CACNA1C: variants seen among roughly 807,000 people sequenced by gnomAD.
CACNA1C encodes voltage-dependent L-type calcium channel subunit alpha-1C.
In CACNA1C, 30 loss-of-function variants were observed where a neutral mutation model predicts 229.0. The observed-to-expected ratio is 0.13, with a 90% CI of 0.10 to 0.18. The LOEUF (loss-of-function observed/expected upper bound fraction) is 0.18, where lower values mean the gene tolerates loss of function less well. CACNA1C is among the 10% of genes least tolerant of loss of function. CACNA1C has a pLI of 1.00. For missense variants in CACNA1C, 1,658 were observed against 2,845.0 expected, an observed-to-expected ratio of 0.58 and a Z score of 9.49; for synonymous variants, 1,114 against 1,132.5, an observed-to-expected ratio of 0.98 and a Z score of 0.33.
At chr12:2,449,488 A>C (rs986807009) in intron 4 of CACNA1C, among the ~76,000 whole-genome samples, 13 of 152,178 alleles carry the variant, frequency 8.5e-5, no homozygotes, top group Non-Finnish European at 1.6e-4. Context: ...ACCCCTCCCC[A>C]CCTGGCTGTC....
intron 3 of CACNA1C, among the ~76,000 whole-genome samples, chr12:2,337,429 T>C (rs2096732652): frequency 6.6e-6 from 1 of 152,192 alleles, no homozygotes; most frequent in Admixed American, 6.5e-5. Flanking sequence ...TCACCAGCCC[T>C]CCAGCCTCGC....
intron 1 of CACNA1C, chr12:2,004,457 C>T (rs2042972177): frequency 1.9e-6 from 3 of 1,591,612 alleles, no homozygotes; most frequent in South Asian, 2.3e-5. Context: ...GACATAGGCA[C>T]GGGGCTCTTG....
intron 9 of CACNA1C, among the ~76,000 whole-genome samples, chr12:2,526,333 G>A (rs2099818511): frequency 6.6e-6 from 1 of 152,206 alleles, no homozygotes; most frequent in Admixed American, 6.5e-5. Context: ...CTATTCCAGG[G>A]CCTTGTCACA....
intron 3 of CACNA1C, among the ~76,000 whole-genome samples, chr12:2,228,728 C>A (rs936113398): frequency 6.6e-6 from 1 of 152,138 alleles, no homozygotes; most frequent in Non-Finnish European, 1.5e-5. Context: ...GGTTCCAGGG[C>A]CAGGGGTGAC....
intron 1 of CACNA1C, among the ~76,000 whole-genome samples, chr12:2,033,865 C>T (rs908673808): frequency 2.0e-5 from 3 of 152,214 alleles, no homozygotes; most frequent in African/African-American, 7.2e-5. Context: ...GTTTGCCTGG[C>T]CCTGGCCATA....
chr12:2,544,992 T>C (rs564304397), intron 9 of CACNA1C, among the ~76,000 whole-genome samples: 31 of 152,288 alleles, frequency 2.0e-4, no homozygotes, highest in African/African-American at 7.2e-4. Flanking sequence ...CAGAAAGCTG[T>C]AGTGAATCAT....
chr12:2,299,725 T>C (rs16929230), intron 3 of CACNA1C, among the ~76,000 whole-genome samples: 1,691 of 152,132 alleles, frequency 0.011, 26 homozygotes, highest in African/African-American at 0.039. Context: ...GGGGAAAACT[T>C]GATCCTCAAT....
chr12:2,408,563 T>A (rs1329089930), intron 3 of CACNA1C, among the ~76,000 whole-genome samples: 1 of 151,908 alleles, frequency 6.6e-6, no homozygotes, highest in East Asian at 1.9e-4. Flanking sequence ...AACTCTGCTA[T>A]GTTATTCCTC....
At chr12:2,266,142 C>A (rs2082311296) in intron 3 of CACNA1C, among the ~76,000 whole-genome samples, 1 of 152,196 alleles carries the variant, frequency 6.6e-6, no homozygotes, top group African/African-American at 2.4e-5. Flanking sequence ...CATCATTGGG[C>A]AAAAACACAT....
At chr12:2,074,713 G>A (rs552321573) in intron 1 of CACNA1C, among the ~76,000 whole-genome samples, 2 of 152,114 alleles carry the variant, frequency 1.3e-5, no homozygotes, top group Non-Finnish European at 2.9e-5. Context: ...CCCCTGCTTC[G>A]ATAAAATACT....
rs1192029891 is a variant in CACNA1C, at chr12:2,403,626, T to C, written c.478-45350T>C. Among the ~76,000 whole-genome samples, 4 of 148,832 alleles carry C rather than the reference T, an allele frequency of 2.7e-5. No homozygotes were observed. The highest frequency in any genetic ancestry group is 1.3e-4 in the Admixed American group (2 of 15,102). On this transcript the variant is annotated intron_variant, in intron 3 of 46. Coordinates refer to ENST00000399655, the MANE Select transcript of CACNA1C (RefSeq NM_000719.7). The surrounding 1 kb of genome is among the most constrained non-coding windows in gnomAD (Gnocchi z 4.1). ...CGAGACAAGATAATTTATAGATGCA[T>C]TGACACTATATGATTAGGAAAGTAC...
At chr12:2,500,775 A>G (rs1363265636) in intron 7 of CACNA1C, among the ~76,000 whole-genome samples, 1 of 152,154 alleles carries the variant, frequency 6.6e-6, no homozygotes, top group Non-Finnish European at 1.5e-5. Flanking sequence ...GGTCAGTACC[A>G]TGGGGTTCTG....
At chr12:2,049,057 C>G (rs1431568396), upstream of CACNA1C, 1 of 152,192 alleles carries the variant, frequency 6.6e-6, no homozygotes, top group Non-Finnish European at 1.5e-5. Flanking sequence ...ATTTTCGTGA[C>G]TTGTTTTTCT....
chr12:2,676,799 A>G (rs1386796186), intron 39 of CACNA1C: 6 of 209,272 alleles, frequency 2.9e-5, no homozygotes, highest in Non-Finnish European at 4.8e-5. Context: ...AGGAGATAAT[A>G]TGTTTGATGA....
At chr12:2,670,330 C>T (rs2096491580) in intron 38 of CACNA1C, among the ~76,000 whole-genome samples, 1 of 152,126 alleles carries the variant, frequency 6.6e-6, no homozygotes, top group African/African-American at 2.4e-5. Context: ...AATCCGAGTC[C>T]CTGCTCTCTC....
intron 5 of CACNA1C, among the ~76,000 whole-genome samples, chr12:2,478,829 A>G (rs966898843): frequency 6.6e-6 from 1 of 152,188 alleles, no homozygotes; most frequent in Non-Finnish European, 1.5e-5. Flanking sequence ...GGCAATCAGC[A>G]GGGTGCTTCA....
intron 3 of CACNA1C, among the ~76,000 whole-genome samples, chr12:2,446,390 G>A (rs1447176468): frequency 7.1e-6 from 1 of 140,718 alleles, no homozygotes; most frequent in Non-Finnish European, 1.5e-5. Context: ...ATGGATGGAT[G>A]GGTGGATGGA....
chr12:2,444,179 A>G (rs2099255062), intron 3 of CACNA1C, among the ~76,000 whole-genome samples: 1 of 152,182 alleles, frequency 6.6e-6, no homozygotes, highest in Admixed American at 6.5e-5. Context: ...GCGTTTCTCC[A>G]GTACCCCGGC....
At chr12:2,230,833 A>G (rs1348952978) in intron 3 of CACNA1C, among the ~76,000 whole-genome samples, 1 of 152,180 alleles carries the variant, frequency 6.6e-6, no homozygotes, top group Non-Finnish European at 1.5e-5. Flanking sequence ...TAACTCCTTT[A>G]ATCTTAAAGA....
Sources: allele counts gnomAD v4.1 joint callset (sites outside exome capture counted in the v4.1 genomes callset), GRCh38; gene constraint gnomAD v4.1.1; non-coding constraint Gnocchi (gnomAD v3.1); transcripts MANE v1.5; gene names NCBI Gene and HGNC (gene_info 2026-07-23, HGNC 2026-07-21).